PCDH11X: variants seen among roughly 807,000 people sequenced by gnomAD.
The protein encoded by PCDH11X is protocadherin 11 X-linked.
PCDH11X carries 18 observed loss-of-function variants against 53.3 expected under a neutral mutation model. The observed-to-expected ratio is 0.34, with a 90% confidence interval of 0.23 to 0.50. The LOEUF (loss-of-function observed/expected upper bound fraction) is 0.50. PCDH11X is among the 20% of genes least tolerant of loss of function. PCDH11X has a pLI of 0.98. For missense variants in PCDH11X, 570 were observed against 1,032.4 expected (o/e 0.55, Z 6.14); for synonymous variants, 279 against 393.3 (o/e 0.71, Z 3.44).
At chrX:92,464,269 C>CA (rs1471673420) in intron 9 of PCDH11X, among the ~76,000 whole-genome samples, 1 of 111,209 alleles carries the variant, frequency 9.0e-6, no homozygotes, top group Non-Finnish European at 1.9e-5. Context: ...TGTCCCCACC[C>CA]AAATCTGATC....
chrX:92,100,252 C>G (rs1332190102), intron 6 of PCDH11X, among the ~76,000 whole-genome samples: 4 of 111,560 alleles, frequency 3.6e-5, no homozygotes, highest in African/African-American at 9.8e-5. Flanking sequence ...ATGCGCGTCC[C>G]TGTGAAGAGA....
chrX:92,116,152 G>A (rs886997235), intron 6 of PCDH11X, among the ~76,000 whole-genome samples: 1 of 112,303 alleles, frequency 8.9e-6, no homozygotes, highest in African/African-American at 3.2e-5. Flanking sequence ...TTAATGCTTA[G>A]AATGACATAC....
At chrX:91,991,808 AT>A (rs2062330711) in intron 6 of PCDH11X, among the ~76,000 whole-genome samples, 1 of 105,485 alleles carries the variant, frequency 9.5e-6, no homozygotes, top group South Asian at 4.0e-4. Context: ...TCATTATCAT[AT>A]TTTTTAATTT....
intron 6 of PCDH11X, among the ~76,000 whole-genome samples, chrX:92,134,672 T>G (rs1447283404): frequency 1.8e-5 from 2 of 111,015 alleles, no homozygotes; most frequent in Non-Finnish European, 3.8e-5. Context: ...GACATTTTTA[T>G]GGTAATTTCT....
chrX:92,303,712 A>C (rs1200962364), intron 8 of PCDH11X, among the ~76,000 whole-genome samples: 2 of 111,845 alleles, frequency 1.8e-5, no homozygotes, highest in Non-Finnish European at 3.8e-5. Context: ...ATGAAATTGA[A>C]CATCCCATTC....
At chrX:92,056,775 T>C (rs925823358) in intron 6 of PCDH11X, among the ~76,000 whole-genome samples, 1 of 111,688 alleles carries the variant, frequency 9.0e-6, no homozygotes, top group Non-Finnish European at 1.9e-5. Flanking sequence ...TTCTAAATTT[T>C]AATCAGCTTA....
At chrX:92,600,516 G>A (rs1421965711) in intron 10 of PCDH11X, among the ~76,000 whole-genome samples, 1 of 111,381 alleles carries the variant, frequency 9.0e-6, no homozygotes, top group Non-Finnish European at 1.9e-5. Context: ...CAGAAGTCAA[G>A]AACTGGGAAT....
chrX:92,100,943 G>A (rs1474867518), intron 6 of PCDH11X, among the ~76,000 whole-genome samples: 3 of 111,020 alleles, frequency 2.7e-5, no homozygotes, highest in African/African-American at 6.6e-5. Flanking sequence ...GCCTGGATAC[G>A]GTTTTGTATG....
At chrX:92,440,858 G>A (rs2072497430) in intron 9 of PCDH11X, among the ~76,000 whole-genome samples, 1 of 111,537 alleles carries the variant, frequency 9.0e-6, no homozygotes, top group South Asian at 3.7e-4. Context: ...GGAACAATTT[G>A]GAGGGCTCAG....
At chrX:91,805,671 T>A (rs760750663) in intron 1 of PCDH11X, among the ~76,000 whole-genome samples, 1,418 of 105,818 alleles carry the variant, frequency 0.013, 29 homozygotes, top group African/African-American at 0.047. Flanking sequence ...TTTTTTTTTT[T>A]AAATTAGCTC....
chrX:92,054,820 C>CAAAAAAAAAAAAAAAAAAAAA (rs1174448342), intron 6 of PCDH11X, among the ~76,000 whole-genome samples: 41 of 25,273 alleles, frequency 1.6e-3, no homozygotes, highest in Non-Finnish European at 2.3e-3. Context: ...AACTCTGTCT[C>CAAAAAAAAAAAAAAAAAAAAA]AAAAAAAAAA....
In PCDH11X at chrX:91,892,289, G is replaced by T. The variant is rs776437704; in HGVS notation, c.3033+13016G>T. Reference sequence around the variant, plus strand: ...CCAGTTACCTGTTCCACTACTAACAGGTTGCCTTACTTTCTACTTTCATTT... The same window carrying T: ...CCAGTTACCTGTTCCACTACTAACATGTTGCCTTACTTTCTACTTTCATTT... On this transcript the variant is annotated intron_variant, in intron 6 of 10. Coordinates refer to ENST00000682573, the MANE Select transcript of PCDH11X (RefSeq NM_032968.5). Among the ~76,000 whole-genome samples, 25 of 106,783 alleles carry T rather than the reference G, an allele frequency of 2.3e-4. No homozygotes were observed. In the East Asian group the frequency reaches 7.3e-3, roughly 31 times the overall value. The allele number at this position is 106,783 out of a possible 115,157, so 92.7% of individuals were successfully genotyped here. A position where few individuals can be genotyped will look rare whatever the true frequency, so the allele number is the denominator to read the frequency against.
At chrX:91,873,439 A>C (rs1435687363) in intron 5 of PCDH11X, among the ~76,000 whole-genome samples, 2 of 111,628 alleles carry the variant, frequency 1.8e-5, no homozygotes, top group Non-Finnish European at 3.8e-5. Context: ...TGTGAAAGAC[A>C]GAATAGCAAT....
intron 4 of PCDH11X, 117 bp from the exon 5 acceptor site, chrX:91,835,344 T>C: frequency 1.7e-6 from 2 of 1,189,972 alleles, no homozygotes; most frequent in Non-Finnish European, 2.3e-6. Context: ...GTGTCAATTA[T>C]GCTAACATCT....
At chrX:92,149,576 A>G (rs1381788138) in intron 6 of PCDH11X, among the ~76,000 whole-genome samples, 31 of 109,020 alleles carry the variant, frequency 2.8e-4, no homozygotes, top group African/African-American at 9.7e-4. Flanking sequence ...GGAATTTTTA[A>G]TAAGATTTGT....
chrX:92,150,534 T>C (rs910747841), intron 6 of PCDH11X, among the ~76,000 whole-genome samples: 1 of 109,263 alleles, frequency 9.2e-6, no homozygotes, highest in African/African-American at 3.4e-5. Context: ...AGCTTTATAA[T>C]AGGTCTCAGG....
intron 10 of PCDH11X, among the ~76,000 whole-genome samples, chrX:92,520,234 T>TG (rs779416619): frequency 3.0e-3 from 333 of 110,837 alleles, no homozygotes; most frequent in African/African-American, 0.01. Context: ...AGATTTTTTT[T>TG]TTTTTGGTTT....
Position 92,291,734 on chromosome X carries a change from A to G in PCDH11X, c.3144+28591A>G, listed in dbSNP as rs187647965. 2.7e-3 allele frequency among the ~76,000 whole-genome samples: 299 copies of G among 108,789 alleles called. 2 individuals are homozygous for G. The highest frequency in any genetic ancestry group is 9.7e-3 in the African/African-American group (290 of 29,934). 94.5% of individuals were successfully genotyped at this position (108,789 alleles called of 115,157 possible). The stretch of plus-strand genomic sequence containing the variant: ...TGGAAATGAAACAGAGTGTTTATAT[A>G]CTTGAATGCCCAGAGATGGAAAAGT... On this transcript the variant is annotated intron_variant, in intron 8 of 10. Coordinates refer to ENST00000682573, the MANE Select transcript of PCDH11X (RefSeq NM_032968.5).
intron 6 of PCDH11X, among the ~76,000 whole-genome samples, chrX:91,989,743 G>A (rs1428672373): frequency 2.7e-5 from 3 of 110,409 alleles, no homozygotes; most frequent in Non-Finnish European, 3.8e-5. Flanking sequence ...CATAGTCAAT[G>A]TTCTGAGAAG....
Sources: allele counts gnomAD v4.1 joint callset (sites outside exome capture counted in the v4.1 genomes callset), GRCh38; gene constraint gnomAD v4.1.1; transcripts MANE v1.5; gene names NCBI Gene and HGNC (gene_info 2026-07-23, HGNC 2026-07-21).